PRKCA: variants seen among roughly 807,000 people sequenced by gnomAD.
The protein encoded by PRKCA is protein kinase C alpha type.
A neutral mutation model predicts 87.0 loss-of-function variants in PRKCA; 27 were observed. The ratio of observed to expected loss-of-function variants is 0.31; its 90% CI spans 0.23 to 0.43. PRKCA has a LOEUF of 0.43. Ranked by LOEUF, PRKCA falls within the 20% of genes least tolerant of loss-of-function variation. The probability of loss-of-function intolerance (pLI) is 1.00; values close to 1 mark genes in which losing one functional copy is unlikely to be tolerated. For synonymous variants in PRKCA, 329 were observed against 311.1 expected (o/e 1.06, Z -0.61); for missense variants, 518 against 852.3 (o/e 0.61, Z 4.88).
intron 5 of PRKCA, among the ~76,000 whole-genome samples, chr17:66,658,189 T>C (rs1001915872): frequency 6.6e-6 from 1 of 151,856 alleles, no homozygotes; most frequent in African/African-American, 2.4e-5. Context: ...TATAAAACCA[T>C]CAGATCTCAG....
intron 2 of PRKCA, among the ~76,000 whole-genome samples, chr17:66,488,520 C>T (rs1336958601): frequency 1.3e-5 from 2 of 152,178 alleles, no homozygotes; most frequent in Admixed American, 6.6e-5. Flanking sequence ...GTTCTTGACT[C>T]GCCTTTCCTT....
At chr17:66,511,630 G>T (rs1246344297) in intron 3 of PRKCA, among the ~76,000 whole-genome samples, 1 of 151,986 alleles carries the variant, frequency 6.6e-6, no homozygotes, top group Admixed American at 6.6e-5. Context: ...TTTGCTGCTC[G>T]CTGTCAGTTT....
At chr17:66,584,620 C>T (rs148601981) in intron 3 of PRKCA, among the ~76,000 whole-genome samples, 1 of 152,264 alleles carries the variant, frequency 6.6e-6, no homozygotes, top group Non-Finnish European at 1.5e-5. Flanking sequence ...ACACTCCCTC[C>T]AAAGTCTCAG....
At chr17:66,425,174 G>A (rs9892015) in intron 2 of PRKCA, among the ~76,000 whole-genome samples, 129,096 of 152,114 alleles carry the variant, frequency 0.85, 55,538 homozygotes, top group South Asian at 0.96. Context: ...TTGAGTAAAC[G>A]TAGCCAAAGT....
chr17:66,650,177 A>G lies in PRKCA; in HGVS notation c.529+4666A>G, dbSNP rs897103023. On this transcript the variant is annotated intron_variant, in intron 5 of 16. Transcript: ENST00000413366. ...TCACTCAGGTTGAAGATAATTCCCAAAGTAACGTAGAAACTCCCGACAGGA... is the reference window on the plus strand; with the variant it reads ...TCACTCAGGTTGAAGATAATTCCCAGAGTAACGTAGAAACTCCCGACAGGA... 3.3e-5 allele frequency among the ~76,000 whole-genome samples: 5 copies of G among 152,218 alleles called. No individual in the cohort carries two copies. In the South Asian group the frequency reaches 1.0e-3, roughly 32 times the overall value.
intron 13 of PRKCA, among the ~76,000 whole-genome samples, chr17:66,768,930 G>A (rs551176847): frequency 9.2e-5 from 14 of 152,346 alleles, no homozygotes; most frequent in African/African-American, 2.9e-4. Flanking sequence ...TTGCTTAAGG[G>A]TGTAGGTTAA....
chr17:66,403,189 G>T (rs1469414080), intron 2 of PRKCA, among the ~76,000 whole-genome samples: 1 of 152,138 alleles, frequency 6.6e-6, no homozygotes, highest in Non-Finnish European at 1.5e-5. Context: ...ATCTTATGCT[G>T]GGGACATATT....
chr17:66,337,888 C>A (rs183907777), intron 2 of PRKCA, among the ~76,000 whole-genome samples: 2 of 152,018 alleles, frequency 1.3e-5, no homozygotes, highest in African/African-American at 4.8e-5. Context: ...AAACTAATCA[C>A]TTTGTGGCTT....
At chr17:66,466,518 C>T (rs184329005) in intron 2 of PRKCA, among the ~76,000 whole-genome samples, 34 of 152,266 alleles carry the variant, frequency 2.2e-4, no homozygotes, top group Admixed American at 1.7e-3. Flanking sequence ...TCTTCCTCCA[C>T]GTTTTCTTCT....
At chr17:66,775,826 A>C (rs2144341962) in intron 14 of PRKCA, 1 of 930,482 alleles carries the variant, frequency 1.1e-6, no homozygotes, top group South Asian at 5.0e-5. Flanking sequence ...AGAATCCTTA[A>C]CTTCGTGAAG....
intron 2 of PRKCA, among the ~76,000 whole-genome samples, chr17:66,353,553 T>C (rs938015234): frequency 6.6e-6 from 1 of 152,100 alleles, no homozygotes; most frequent in African/African-American, 2.4e-5. Context: ...CCGTCTCTAC[T>C]AAGAATACAA....
chr17:66,723,262 C>G (rs1445002008), intron 8 of PRKCA, among the ~76,000 whole-genome samples: 1 of 152,240 alleles, frequency 6.6e-6, no homozygotes, highest in Non-Finnish European at 1.5e-5. Flanking sequence ...AGTCACGGAG[C>G]AGGTGCATGC....
chr17:66,708,123 T>C (rs1358202607), intron 8 of PRKCA, among the ~76,000 whole-genome samples: 3 of 152,194 alleles, frequency 2.0e-5, no homozygotes, highest in African/African-American at 7.2e-5. Flanking sequence ...CACATGATGG[T>C]GGCACTTCCC....
intron 5 of PRKCA, among the ~76,000 whole-genome samples, chr17:66,685,522 G>GC (rs1337281822): frequency 2.6e-5 from 4 of 152,164 alleles, no homozygotes; most frequent in Non-Finnish European, 5.9e-5. Context: ...ACCTGAGCTA[G>GC]CCCCCTCCCC....
At chr17:66,586,686 C>T (rs1330568382) in intron 3 of PRKCA, among the ~76,000 whole-genome samples, 1 of 152,194 alleles carries the variant, frequency 6.6e-6, no homozygotes, top group African/African-American at 2.4e-5. Context: ...CTACTAAGCT[C>T]CTTCAACAGC....
At chr17:66,388,952 A>T (rs372541546) in intron 2 of PRKCA, among the ~76,000 whole-genome samples, 21 of 152,316 alleles carry the variant, frequency 1.4e-4, no homozygotes, top group East Asian at 9.7e-4. Flanking sequence ...GGAAAGAAAC[A>T]CATAGAGATG....
chr17:66,659,447 G>A (rs1283263844), intron 5 of PRKCA, among the ~76,000 whole-genome samples: 1 of 152,054 alleles, frequency 6.6e-6, no homozygotes, highest in Non-Finnish European at 1.5e-5. Flanking sequence ...CTGGGTGTAG[G>A]GCCTCACACC....
intron 2 of PRKCA, among the ~76,000 whole-genome samples, chr17:66,411,269 C>A (rs1022635709): frequency 7.2e-6 from 1 of 137,996 alleles, no homozygotes; most frequent in Non-Finnish European, 1.6e-5. Flanking sequence ...AAGATAGATT[C>A]TTTCTATGTT....
chr17:66,660,965 AG>A (rs1478504847), intron 5 of PRKCA, among the ~76,000 whole-genome samples: 1 of 152,170 alleles, frequency 6.6e-6, no homozygotes, highest in Non-Finnish European at 1.5e-5. Context: ...CTCAGGTAGA[AG>A]GGGGAATTAG....
Sources: gnomAD v4.1 joint callset for allele counts (sites outside exome capture counted in the v4.1 genomes callset) on GRCh38, gnomAD v4.1.1 for gene constraint, MANE v1.5 for transcripts, NCBI Gene and HGNC (gene_info 2026-07-23, HGNC 2026-07-21) for gene names.